The following LRMDA variants were observed in gnomAD, a reference collection of about 807,000 sequenced individuals.
LRMDA encodes the protein leucine rich melanocyte differentiation associated.
LRMDA carries 18 observed loss-of-function variants against 29.8 expected under a neutral mutation model. That is an observed-to-expected ratio of 0.60 (90% CI 0.42 to 0.90). The LOEUF is 0.90. Ranked by LOEUF, LRMDA falls within the 40% of genes least tolerant of loss-of-function variation. The pLI, the probability that LRMDA is intolerant of heterozygous loss-of-function variation, is 0.00. For synonymous variants in LRMDA, 125 were observed against 109.4 expected (o/e 1.14, Z -0.89); for missense variants, 273 against 273.9 (o/e 1.00, Z 0.02).
At chr10:75,485,988 A>T (rs1466878077) in intron 2 of LRMDA, among the ~76,000 whole-genome samples, 1 of 152,058 alleles carries the variant, frequency 6.6e-6, no homozygotes, top group Non-Finnish European at 1.5e-5. Flanking sequence ...TAAGCATTTT[A>T]ACTCTTTCTT....
At chr10:75,842,605 AT>A (rs1844560362) in intron 2 of LRMDA, among the ~76,000 whole-genome samples, 1 of 152,256 alleles carries the variant, frequency 6.6e-6, no homozygotes, top group Non-Finnish European at 1.5e-5. Context: ...AAGACAGGAC[AT>A]ATCAAAGTGC....
At chr10:75,552,267 C>T (rs543842004) in intron 2 of LRMDA, among the ~76,000 whole-genome samples, 1 of 152,024 alleles carries the variant, frequency 6.6e-6, no homozygotes, top group South Asian at 2.1e-4. Flanking sequence ...TTTATCTTAC[C>T]TTCATTTTTT....
intron 6 of LRMDA, among the ~76,000 whole-genome samples, chr10:76,394,448 G>C (rs1448623926): frequency 1.3e-5 from 2 of 152,102 alleles, no homozygotes; most frequent in African/African-American, 4.8e-5. Context: ...GATGAAAATT[G>C]ACCTTATAAA....
chr10:75,847,301 A>T (rs1272078974), intron 2 of LRMDA, among the ~76,000 whole-genome samples: 1 of 152,222 alleles, frequency 6.6e-6, no homozygotes, highest in Admixed American at 6.5e-5. Context: ...GTGGATAACC[A>T]TATGCAAAAG....
At chr10:75,739,348 C>T (rs538053070) in intron 2 of LRMDA, among the ~76,000 whole-genome samples, 18 of 152,284 alleles carry the variant, frequency 1.2e-4, no homozygotes, top group Admixed American at 4.6e-4. Flanking sequence ...TTCTCCTCAC[C>T]CCCTCCTCGC....
At chr10:75,733,920 G>A (rs758485677) in intron 2 of LRMDA, among the ~76,000 whole-genome samples, 1 of 152,196 alleles carries the variant, frequency 6.6e-6, no homozygotes, top group African/African-American at 2.4e-5. Context: ...ACTTTTATCG[G>A]TAGTAGCCTA....
intron 5 of LRMDA, among the ~76,000 whole-genome samples, chr10:76,110,001 C>G (rs1166396526): frequency 6.6e-6 from 1 of 152,178 alleles, no homozygotes; most frequent in African/African-American, 2.4e-5. Context: ...GCCTCATTCA[C>G]ATCCAGGTTT....
At chr10:75,998,444 C>T (rs1049636191) in intron 2 of LRMDA, among the ~76,000 whole-genome samples, 3 of 152,136 alleles carry the variant, frequency 2.0e-5, no homozygotes, top group African/African-American at 7.2e-5. Context: ...CAGGAATTTG[C>T]ACCTGTCCCT....
At chr10:76,369,389 C>G (rs1311093518) in intron 6 of LRMDA, among the ~76,000 whole-genome samples, 1 of 152,126 alleles carries the variant, frequency 6.6e-6, no homozygotes, top group Non-Finnish European at 1.5e-5. Context: ...TCACTAGATA[C>G]AAAATTCTTG....
chr10:76,033,998 G>A lies in LRMDA; in HGVS notation c.132-2010G>A, dbSNP rs986864275. On this transcript the variant is annotated intron_variant, in intron 2 of 6. Coordinates refer to ENST00000611255, the MANE Select transcript of LRMDA (RefSeq NM_001305581.2). ...GGAAGGAAAAGAAAAAAAAAACAGCGTATGCTAGTAACCAGTTAGCCGTCC... is the reference window on the plus strand; with the variant it reads ...GGAAGGAAAAGAAAAAAAAAACAGCATATGCTAGTAACCAGTTAGCCGTCC... 7.9e-5 allele frequency among the ~76,000 whole-genome samples: 12 copies of A among 152,000 alleles called. No homozygotes were observed. In the South Asian group the frequency reaches 8.3e-4, roughly 11 times the overall value.
chr10:76,031,411 G>T (rs559500429), intron 2 of LRMDA, among the ~76,000 whole-genome samples: 30 of 152,322 alleles, frequency 2.0e-4, no homozygotes, highest in African/African-American at 7.2e-4. Flanking sequence ...CCACTGGCCA[G>T]TGTGCTGGTC....
intron 2 of LRMDA, among the ~76,000 whole-genome samples, chr10:75,650,837 C>G (rs1841589601): frequency 6.6e-6 from 1 of 152,024 alleles, no homozygotes; most frequent in Admixed American, 6.6e-5. Context: ...GAGGTCAGCA[C>G]CGGGGTGAGG....
intron 2 of LRMDA, among the ~76,000 whole-genome samples, chr10:75,569,582 T>C (rs1251705085): frequency 6.6e-6 from 1 of 152,212 alleles, no homozygotes; most frequent in East Asian, 1.9e-4. Flanking sequence ...TATAAAGACA[T>C]TAAGCAAAAA....
At chr10:75,909,389 G>A (rs1021863432) in intron 2 of LRMDA, among the ~76,000 whole-genome samples, 37 of 152,152 alleles carry the variant, frequency 2.4e-4, no homozygotes, top group Non-Finnish European at 1.0e-4. Context: ...TAGGCTCATG[G>A]AACCTCTCTC....
intron 5 of LRMDA, among the ~76,000 whole-genome samples, chr10:76,245,388 G>A (rs1166064108): frequency 6.6e-6 from 1 of 152,156 alleles, no homozygotes; most frequent in East Asian, 1.9e-4. Flanking sequence ...TTATAAGGTA[G>A]TGGTGTTTGT....
rs149507601 is a variant in LRMDA at position 75,474,873 on chromosome 10, T to G, written c.131+36379T>G. Among the ~76,000 whole-genome samples, 289 of 152,306 alleles carry G rather than the reference T, an allele frequency of 1.9e-3. 2 individuals carry two copies. Among genetic ancestry groups the G allele is most frequent in the Non-Finnish European group, 2.8e-3 (191 of 68,024 alleles). On this transcript the variant is annotated intron_variant, in intron 2 of 6. Transcript: ENST00000611255. Reference sequence around the variant, plus strand: ...CCTGAAGACCCCTGCTAGTGTCATTTCCTACGGGAAATTGTCCCTAACACT... The same window carrying G: ...CCTGAAGACCCCTGCTAGTGTCATTGCCTACGGGAAATTGTCCCTAACACT...
Position 76,406,131 on chromosome 10 carries a change from G to A in LRMDA, c.601+81646G>A, listed in dbSNP as rs75718070. On this transcript the variant is annotated intron_variant, in intron 6 of 6. Coordinates refer to ENST00000611255, the MANE Select transcript of LRMDA (RefSeq NM_001305581.2). ...ATATGTTCTTTATTTAAAACCAGGG[G>A]AAGTGCTGAGTGGATGGGTTTGGGA... is the stretch of plus-strand genomic sequence containing the variant. Among the ~76,000 whole-genome samples, 4 of 152,320 alleles carry A rather than the reference G, an allele frequency of 2.6e-5. No individual in the cohort carries two copies. In the East Asian group the frequency reaches 7.7e-4, roughly 29 times the overall value.
At chr10:75,827,235 G>A (rs932907536) in intron 2 of LRMDA, among the ~76,000 whole-genome samples, 14 of 152,108 alleles carry the variant, frequency 9.2e-5, no homozygotes, top group African/African-American at 2.9e-4. Flanking sequence ...GGGGTGGCAC[G>A]GCTGCTTCTG....
At chr10:76,456,453 G>A (rs1379613389) in intron 6 of LRMDA, among the ~76,000 whole-genome samples, 1 of 152,148 alleles carries the variant, frequency 6.6e-6, no homozygotes, top group Admixed American at 6.5e-5. Context: ...TGGCTCCAGA[G>A]CACATGACTC....
Sources: allele counts gnomAD v4.1 joint callset (sites outside exome capture counted in the v4.1 genomes callset), GRCh38; gene constraint gnomAD v4.1.1; transcripts MANE v1.5; gene names NCBI Gene and HGNC (gene_info 2026-07-23, HGNC 2026-07-21).